Variants in COL2A1 observed in about 807,000 individuals in gnomAD.
The protein encoded by COL2A1 is collagen type II alpha 1 chain, also known as collagen alpha-1(II) chain.
Under a neutral mutation model 204.5 loss-of-function variants are expected in COL2A1, and 28 were observed. The observed-to-expected ratio is 0.14, with a 90% confidence interval of 0.10 to 0.19. COL2A1 has a LOEUF of 0.19. Among genes scored for constraint, COL2A1 ranks in the 10% least tolerant of loss-of-function variants. The pLI is 1.00. For missense variants in COL2A1, 1,388 were observed against 2,027.5 expected, an observed-to-expected ratio of 0.68 and a Z score of 6.06; for synonymous variants, 708 against 718.7, an observed-to-expected ratio of 0.99 and a Z score of 0.24.
intron 16 of COL2A1, 26 bp from the exon 17 acceptor site, chr12:47,989,831 G>A (rs745445133): frequency 3.1e-6 from 5 of 1,611,452 alleles, no homozygotes; most frequent in Non-Finnish European, 3.4e-6. Flanking sequence ...AAGTGACCAT[G>A]AGAGGTGCCC....
intron 35 of COL2A1, 38 bp downstream of exon 35, chr12:47,982,069 C>G: frequency 6.2e-7 from 1 of 1,603,416 alleles, no homozygotes; most frequent in Non-Finnish European, 8.5e-7. Context: ...GGGCTAGGAT[C>G]CTAATGCCCA....
intron 36 of COL2A1, 89 bp from the exon 37 acceptor site, chr12:47,981,485 G>C: frequency 8.3e-7 from 1 of 1,204,176 alleles, no homozygotes; most frequent in South Asian, 1.3e-5. Context: ...GGCCTTGCTC[G>C]TGGGAAGGGG....
intron 26 of COL2A1, among the ~76,000 whole-genome samples, chr12:47,985,329 G>A (rs181532924): frequency 1.3e-5 from 2 of 152,254 alleles, no homozygotes; most frequent in Admixed American, 1.3e-4. Flanking sequence ...GATAAGCCCC[G>A]AATGCATACT....
chr12:47,975,821 C>T (rs1283688567), intron 50 of COL2A1, 142 bp downstream of exon 50: 5 of 837,236 alleles, frequency 6.0e-6, no homozygotes, highest in Non-Finnish European at 1.0e-5. Context: ...GCCCTGTGAC[C>T]TCTGAGGAGA....
chr12:47,998,679 C>A, intron 2 of COL2A1: 1 of 524,616 alleles, frequency 1.9e-6, no homozygotes, highest in Non-Finnish European at 3.4e-6. Context: ...AGGCAGCATG[C>A]AAAAGAAAGG....
chr12:47,984,011 T>C, intron 29 of COL2A1, 76 bp downstream of exon 29: 1 of 1,313,950 alleles, frequency 7.6e-7, no homozygotes, highest in Non-Finnish European at 1.1e-6. Context: ...GCTCCATTAA[T>C]GGATGGGCTC....
In COL2A1 at chr12:48,000,080, T is replaced by C; in HGVS notation, c.131A>G (p.Lys44Arg). The part of the protein sequence containing the change: ...CVQDGQRYND[K>R]DVWKPEPCRI... ...GCAGGGCTCCGGCTTCCACACATCC[T>C]TATCATTATACCTCTGCCCATCCTG... The change falls in exon 2 of 54, where the codon AAG becomes AGG. Residue 44 changes from lysine (K) to arginine (R), a missense_variant. Transcript: ENST00000380518. 1 of 1,613,784 alleles carries C rather than the reference T, an allele frequency of 6.2e-7. No individual in the cohort carries two copies. The highest frequency in any genetic ancestry group is 8.5e-7 in the Non-Finnish European group (1 of 1,179,990).
In COL2A1 at chr12:47,997,681, A is replaced by G; in HGVS notation, c.456T>C (p.Asp152=). 2 of 1,614,098 alleles carry G rather than the reference A, an allele frequency of 1.2e-6. No homozygotes were observed. Among genetic ancestry groups the G allele is most frequent in the South Asian group, 1.1e-5 (1 of 91,086 alleles). Residue 152 remains aspartate (D), a synonymous_variant, in exon 7 of 54, where the codon GAT becomes GAC. Coordinates refer to ENST00000380518, the MANE Select transcript of COL2A1 (RefSeq NM_001844.5). ...EKGAPGPRGR[D]GEPGTPGNPG... ...GATTTCCAGGGGTCCCAGGTTCTCC[A>G]TCTCTGCCACGAGGTCCAGGGGCAC...
At position 47,978,180 on chromosome 12, in the gene COL2A1, GAC is replaced by G; in HGVS notation, c.3004-65_3004-64del. 6.3e-7 allele frequency: 1 copy of G among 1,575,252 alleles called. No individual in the cohort carries two copies. The highest frequency in any genetic ancestry group is 2.3e-5 in the East Asian group (1 of 43,816). ...TAAGCACCCCTGCCCAGGGCCCACT[GAC>G]CCTTCAGGGAGAGGGCAGACAAGGG... is the stretch of plus-strand genomic sequence containing the variant. On this transcript the variant is annotated intron_variant, in intron 43 of 53. Transcript: ENST00000380518. The surrounding 1 kb of genome is among the most constrained non-coding windows in gnomAD (Gnocchi z 5.5).
intron 26 of COL2A1, 122 bp downstream of exon 26, chr12:47,985,412 G>A: frequency 9.4e-7 from 1 of 1,067,510 alleles, no homozygotes; most frequent in Non-Finnish European, 1.4e-6. Context: ...TCTACCCCCT[G>A]TCACAATTCT....
At position 47,995,292 on chromosome 12, in the gene COL2A1, C is replaced by T. The variant is rs1023703904; in HGVS notation, c.725G>A (p.Arg242His). The T allele has an allele frequency of 5.0e-6, 8 of 1,613,538 alleles. No individual in the cohort carries two copies. The highest frequency in any genetic ancestry group is 2.2e-5 in the East Asian group (1 of 44,904). Reference protein sequence around the residue: ...EPGVSGPMGPRGPPGPPGKPG... With the variant: ...EPGVSGPMGPHGPPGPPGKPG... ...CTTTCCAGGGGGACCAGGAGGACCA[C>T]GGGGACCCATGGGACCCTACAAACA... The change falls in exon 11 of 54, where the codon CGT (arginine) becomes CAT (histidine). Residue 242 changes from arginine to histidine, a missense_variant. Coordinates refer to ENST00000380518, the MANE Select transcript of COL2A1 (RefSeq NM_001844.5).
intron 1 of COL2A1, among the ~76,000 whole-genome samples, chr12:48,000,569 A>G (rs560549043): frequency 2.0e-5 from 3 of 152,322 alleles, no homozygotes; most frequent in African/African-American, 7.2e-5. Flanking sequence ...CCACCAGCCC[A>G]GGAGCAGAGA....
Position 47,985,945 on chromosome 12 carries a change from A to G in COL2A1, c.1548T>C (p.Gly516=). Reference sequence around the variant, plus strand: ...CTGCCAGACCATCTTGACCTGGGAAACCGCGGTTGCCGGGAGCACCCTAAG... The same window carrying G: ...CTGCCAGACCATCTTGACCTGGGAAGCCGCGGTTGCCGGGAGCACCCTAAG... ...PGERGAPGNR[G]FPGQDGLAGP... Residue 516 remains glycine (G), a synonymous_variant, in exon 24 of 54, where the codon GGT becomes GGC. Transcript: ENST00000380518. 6.4e-7 allele frequency: 1 copy of G among 1,551,656 alleles called. No individual in the cohort carries two copies. Among genetic ancestry groups the G allele is most frequent in the Non-Finnish European group, 8.7e-7 (1 of 1,147,048 alleles).
rs1938606618 is a variant in COL2A1 at position 47,974,689 on chromosome 12, T to C, written c.4060A>G (p.Asn1354Asp). The part of the protein sequence containing the change: ...KKHIWFGETI[N>D]GGFHFSYGDD... ...CAGGTACTCACATGGAAGCCACCATTGATGGTTTCTCCAAACCAGATGTGT... is the reference window on the plus strand; with the variant it reads ...CAGGTACTCACATGGAAGCCACCATCGATGGTTTCTCCAAACCAGATGTGT... Residue 1354 changes from asparagine to aspartate, a missense_variant, in exon 52 of 54, where the codon AAT (asparagine) becomes GAT (aspartate). By Grantham distance (23) the Asn-to-Asp change is conservative. Around this residue, in one of 3 missense-constraint regions of COL2A1, gnomAD observed 303 missense variants for 369.2 expected, o/e 0.82. Coordinates refer to ENST00000380518, the MANE Select transcript of COL2A1 (RefSeq NM_001844.5). 6.2e-7 allele frequency: 1 copy of C among 1,614,164 alleles called. No individual in the cohort carries two copies. Among genetic ancestry groups the C allele is most frequent in the Non-Finnish European group, 8.5e-7 (1 of 1,180,020 alleles).
rs774901867 is a variant in COL2A1 at position 47,985,812 on chromosome 12, C to A, written c.1596G>T (p.Glu532Asp). 3.7e-6 allele frequency: 6 copies of A among 1,611,282 alleles called. No individual in the cohort carries two copies. In the East Asian group the frequency reaches 6.7e-5, roughly 18 times the overall value. Residue 532 changes from glutamate (E) to aspartate (D), a missense_variant, in exon 25 of 54, where the codon GAG (glutamate) becomes GAT (aspartate). Around this residue, in one of 3 missense-constraint regions of COL2A1, gnomAD observed 884 missense variants for 1,415.8 expected, o/e 0.62. Coordinates refer to ENST00000380518, the MANE Select transcript of COL2A1 (RefSeq NM_001844.5). Reference sequence around the variant, plus strand: ...GGCCAGCAAGACCACTGGGCCCTCGCTCTCCAGGGGCTCCCTACAAGGGTA... The same window carrying A: ...GGCCAGCAAGACCACTGGGCCCTCGATCTCCAGGGGCTCCCTACAAGGGTA... Reference protein sequence around the residue: ...GLAGPKGAPGERGPSGLAGPK... With the variant: ...GLAGPKGAPGDRGPSGLAGPK...
At position 48,004,402 on chromosome 12, in the gene COL2A1, T is replaced by G; in HGVS notation, c.-81A>C. On this transcript the variant is annotated 5_prime_UTR_variant, in exon 1 of 54. It removes the in-frame stop codon of an upstream open reading frame in the 5' UTR. Coordinates refer to ENST00000380518, the MANE Select transcript of COL2A1 (RefSeq NM_001844.5). ...GGAGCACGGCGCGGGTCCGGGTCTCTACCGCGCCCTCATGCAGGAGGCCCT... is the reference window on the plus strand; with the variant it reads ...GGAGCACGGCGCGGGTCCGGGTCTCGACCGCGCCCTCATGCAGGAGGCCCT... 3.8e-6 allele frequency: 3 copies of G among 796,920 alleles called. No individual in the cohort carries two copies. Among genetic ancestry groups the G allele is most frequent in the Non-Finnish European group, 6.2e-6 (3 of 483,760 alleles). The allele number at this position is 796,920 out of a possible 1,614,324, so 49.4% of individuals were successfully genotyped here.
Position 47,980,911 on chromosome 12 carries a change from T to C in COL2A1, c.2517+4A>G. Reference sequence around the variant, plus strand: ...GACCCAGGAGGATGGACAGAGATACTCACAGGAGGCCCAGCAAATCCCGCT... The same window carrying C: ...GACCCAGGAGGATGGACAGAGATACCCACAGGAGGCCCAGCAAATCCCGCT... On this transcript the variant is annotated splice_donor_region_variant and intron_variant, in intron 38 of 53. Transcript: ENST00000380518. The surrounding 1 kb of genome is among the most constrained non-coding windows in gnomAD (Gnocchi z 4.5). The C allele has an allele frequency of 1.3e-6, 2 of 1,552,486 alleles. No individual in the cohort carries two copies. Among genetic ancestry groups the C allele is most frequent in the Non-Finnish European group, 1.7e-6 (2 of 1,147,584 alleles).
Position 47,977,413 on chromosome 12 carries a change from C to A in COL2A1, c.3180G>T (p.Glu1060Asp). ...GAAGVKGDRG[E>D]TGAVGAPGAP... Reference sequence around the variant, plus strand: ...CTCCAGGAGCTCCCACAGCACCAGTCTCACCACGATCACCCTGTCAGGAGA... The same window carrying A: ...CTCCAGGAGCTCCCACAGCACCAGTATCACCACGATCACCCTGTCAGGAGA... The change falls in exon 46 of 54, where the codon GAG becomes GAT. Residue 1060 changes from glutamate to aspartate, a missense_variant. Glu to Asp is a conservative substitution (Grantham distance 45, BLOSUM62 2). Transcript: ENST00000380518. 6.2e-7 allele frequency: 1 copy of A among 1,613,262 alleles called. No individual in the cohort carries two copies.
chr12:47,976,096 A>T lies in COL2A1; in HGVS notation c.3490-26T>A, dbSNP rs1216806766. 2 of 1,549,956 alleles carry T rather than the reference A, an allele frequency of 1.3e-6. No individual in the cohort carries two copies. Among genetic ancestry groups the T allele is most frequent in the South Asian group, 2.2e-5 (2 of 89,822 alleles). ...CTGCAAGAGAGAGAGGTCGTGAGGA[A>T]AGAGTGGTCACCACAGGGAAGGCTG... On this transcript the variant is annotated intron_variant, in intron 49 of 53. Transcript: ENST00000380518. The surrounding 1 kb of genome is among the most constrained non-coding windows in gnomAD (Gnocchi z 4.3).
Sources: gnomAD v4.1 joint callset for allele counts (sites outside exome capture counted in the v4.1 genomes callset) on GRCh38, gnomAD v4.1.1 for gene constraint, gnomAD v4.1.1 regional missense constraint, Gnocchi (gnomAD v3.1) non-coding constraint, MANE v1.5 for transcripts, NCBI Gene and HGNC (gene_info 2026-07-23, HGNC 2026-07-21) for gene names.